Variants in VPS8 observed in about 807,000 individuals in gnomAD.
The protein encoded by VPS8 is vacuolar protein sorting-associated protein 8 homolog.
In VPS8, 129 loss-of-function variants were observed where a neutral mutation model predicts 216.4. The observed-to-expected ratio is 0.60, with a 90% confidence interval of 0.52 to 0.69. The LOEUF (loss-of-function observed/expected upper bound fraction) is 0.69. Ranked by LOEUF, VPS8 falls within the 30% of genes least tolerant of loss-of-function variation. The pLI, the probability that VPS8 is intolerant of heterozygous loss-of-function variation, is 0.00. For synonymous variants in VPS8, 571 were observed against 565.4 expected, an observed-to-expected ratio of 1.01 and a Z score of -0.14; for missense variants, 1,531 against 1,683.5, an observed-to-expected ratio of 0.91 and a Z score of 1.59.
chr3:184,994,140 T>A, intron 43 of VPS8, 77 bp downstream of exon 43: 1 of 1,099,652 alleles, frequency 9.1e-7, no homozygotes, highest in Non-Finnish European at 1.3e-6. Flanking sequence ...GTACCTATAC[T>A]TAAAAAAAAA....
At chr3:184,957,272 T>G in intron 36 of VPS8, 102 bp from the exon 37 acceptor site, 1 of 1,198,426 alleles carries the variant, frequency 8.3e-7, no homozygotes, top group Non-Finnish European at 1.2e-6. Flanking sequence ...CAGCAGGTAG[T>G]CCTAGTTTTA....
chr3:185,047,666 C>T (rs1043354839), intron 46 of VPS8, among the ~76,000 whole-genome samples: 6 of 152,088 alleles, frequency 3.9e-5, no homozygotes, highest in African/African-American at 7.2e-5. Flanking sequence ...ACTAGGCAGG[C>T]GACACTTTAA....
At chr3:185,003,617 A>G (rs1298858501) in intron 45 of VPS8, among the ~76,000 whole-genome samples, 200 of 151,828 alleles carry the variant, frequency 1.3e-3, no homozygotes, top group Non-Finnish European at 2.5e-3. Context: ...CCCCTTTTCT[A>G]TTCCACAAAA....
intron 46 of VPS8, among the ~76,000 whole-genome samples, chr3:185,035,848 A>T (rs1167081427): frequency 6.6e-6 from 1 of 152,214 alleles, no homozygotes; most frequent in Non-Finnish European, 1.5e-5. Context: ...ATGATTCTAT[A>T]CCTAGAATAT....
intron 8 of VPS8, among the ~76,000 whole-genome samples, chr3:184,845,674 G>A (rs1486083907): frequency 6.7e-6 from 1 of 149,704 alleles, no homozygotes; most frequent in East Asian, 2.0e-4. Flanking sequence ...AGAATAGCTT[G>A]AACCCGGGAA....
At chr3:184,824,472 T>C (rs760065461) in intron 1 of VPS8, 73 bp from the exon 2 acceptor site, 8 of 739,706 alleles carry the variant, frequency 1.1e-5, no homozygotes, top group Non-Finnish European at 1.3e-5. Context: ...GTCTTTGGAA[T>C]GTCCAATTGA....
chr3:184,910,684 G>A (rs1000560770), intron 25 of VPS8, among the ~76,000 whole-genome samples: 1 of 152,132 alleles, frequency 6.6e-6, no homozygotes, highest in African/African-American at 2.4e-5. Flanking sequence ...CCATATTCGT[G>A]GTTCCCTGAC....
chr3:184,868,754 T>A (rs116369059), intron 18 of VPS8, among the ~76,000 whole-genome samples, 192 bp from the exon 19 acceptor site: 1 of 152,232 alleles, frequency 6.6e-6, no homozygotes, highest in African/African-American at 2.4e-5. Flanking sequence ...CTCTCTATAC[T>A]AGCATATATA....
At chr3:184,842,064 A>G (rs150406720) in intron 7 of VPS8, among the ~76,000 whole-genome samples, 28 of 151,958 alleles carry the variant, frequency 1.8e-4, no homozygotes, top group African/African-American at 6.5e-4. Context: ...CTGCTTTAAC[A>G]TCCCTTTCTT....
intron 21 of VPS8, among the ~76,000 whole-genome samples, chr3:184,875,380 T>G (rs1042292453): frequency 6.6e-6 from 1 of 152,164 alleles, no homozygotes; most frequent in African/African-American, 2.4e-5. Flanking sequence ...AGAAAATAAC[T>G]TTTGGATCTT....
chr3:185,034,591 G>C (rs535161844), intron 46 of VPS8, among the ~76,000 whole-genome samples: 18 of 150,424 alleles, frequency 1.2e-4, no homozygotes, highest in African/African-American at 3.9e-4. Context: ...TAGATTGTCT[G>C]TTTGCTTCGT....
At chr3:184,925,294 C>T (rs1020160690) in intron 30 of VPS8, among the ~76,000 whole-genome samples, 3 of 152,214 alleles carry the variant, frequency 2.0e-5, no homozygotes, top group Non-Finnish European at 4.4e-5. Flanking sequence ...TTATGACCAT[C>T]ACCTGGAGAA....
At position 184,929,559 on chromosome 3, in the gene VPS8, GT is replaced by G; in HGVS notation, c.2715-16del. 7.0e-7 allele frequency: 1 copy of G among 1,421,640 alleles called. No individual in the cohort carries two copies. Among genetic ancestry groups the G allele is most frequent in the Admixed American group, 2.1e-5 (1 of 47,960 alleles). The allele number at this position is 1,421,640 out of a possible 1,614,324, so 88.1% of individuals were successfully genotyped here. ...AAACCTCCCTGTTTGGTACACTGAA[GT>G]TTTTCCCTTTACATTCTAGCTATCA... is the stretch of plus-strand genomic sequence containing the variant. On this transcript the variant is annotated intron_variant, in intron 32 of 47. Coordinates refer to ENST00000625842, the MANE Select transcript of VPS8 (RefSeq NM_001009921.3).
chr3:184,963,846 A>C (rs1472827389), intron 37 of VPS8, among the ~76,000 whole-genome samples: 1 of 152,082 alleles, frequency 6.6e-6, no homozygotes, highest in African/African-American at 2.4e-5. Flanking sequence ...GTATTTTGCC[A>C]AATGCTTTTC....
chr3:185,034,906 C>T (rs995571046), intron 46 of VPS8, among the ~76,000 whole-genome samples: 2 of 152,140 alleles, frequency 1.3e-5, no homozygotes, highest in African/African-American at 4.8e-5. Context: ...TCAGAAATGA[C>T]AAAGATGACA....
intron 22 of VPS8, among the ~76,000 whole-genome samples, chr3:184,888,027 G>A (rs930878262): frequency 2.0e-5 from 3 of 147,392 alleles, no homozygotes; most frequent in South Asian, 4.3e-4. Context: ...TCGCTCTGTC[G>A]CCCAGGCTGG....
intron 31 of VPS8, among the ~76,000 whole-genome samples, chr3:184,928,047 A>T (rs1162100315): frequency 2.6e-5 from 4 of 152,354 alleles, no homozygotes; most frequent in South Asian, 4.1e-4. Flanking sequence ...CTTAATTTTT[A>T]AAAAATTAAC....
chr3:184,944,376 C>T (rs1252888580), intron 36 of VPS8: 1 of 315,690 alleles, frequency 3.2e-6, no homozygotes, highest in African/African-American at 2.3e-5. Context: ...CATCCTCTTC[C>T]AATTATTTCC....
At chr3:184,996,304 G>A in intron 43 of VPS8, 28 bp from the exon 44 acceptor site, 1 of 1,579,464 alleles carries the variant, frequency 6.3e-7, no homozygotes, top group South Asian at 1.2e-5. Context: ...CCTTTTGTTT[G>A]TTTGTTTTTT....
Sources: allele counts gnomAD v4.1 joint callset (sites outside exome capture counted in the v4.1 genomes callset), GRCh38; gene constraint gnomAD v4.1.1; transcripts MANE v1.5; gene names NCBI Gene and HGNC (gene_info 2026-07-23, HGNC 2026-07-21).